Variants in UMAD1 observed in about 807,000 individuals in gnomAD.
The protein encoded by UMAD1 is UBAP1-MVB12-associated (UMA) domain containing 1.
UMAD1 carries 8 observed loss-of-function variants against 6.1 expected under a neutral mutation model. That is an observed-to-expected ratio of 1.30 (90% CI 0.76 to 2.35). The LOEUF is 2.35. Among genes scored for constraint, UMAD1 ranks in the 30% most tolerant of loss-of-function variants. UMAD1 has a pLI of 0.00. For missense variants in UMAD1, 130 were observed against 78.4 expected (o/e 1.66, Z -2.49); for synonymous variants, 56 against 31.4 (o/e 1.78, Z -2.61).
intron 2 of UMAD1, among the ~76,000 whole-genome samples, chr7:7,759,547 C>T (rs747639041): frequency 4.6e-5 from 7 of 151,922 alleles, no homozygotes; most frequent in Admixed American, 3.3e-4. Flanking sequence ...TTTTTTGCTT[C>T]GTACATAAAT....
At chr7:7,698,974 CCCCCCA>C (rs1563133754) in intron 2 of UMAD1, among the ~76,000 whole-genome samples, 2 of 151,268 alleles carry the variant, frequency 1.3e-5, no homozygotes, top group African/African-American at 4.9e-5. Flanking sequence ...CCCACTTCAG[CCCCCCA>C]AGTATCTGGG....
At chr7:7,698,083 A>G (rs1163573754) in intron 2 of UMAD1, among the ~76,000 whole-genome samples, 1 of 152,208 alleles carries the variant, frequency 6.6e-6, no homozygotes, top group Non-Finnish European at 1.5e-5. Context: ...ACAATATGTT[A>G]TCTGAATCAA....
chr7:7,725,887 T>C (rs928371460), intron 2 of UMAD1, among the ~76,000 whole-genome samples: 1 of 152,220 alleles, frequency 6.6e-6, no homozygotes, highest in Admixed American at 6.5e-5. Context: ...CTGCATGATA[T>C]GCAGGCACCA....
intron 2 of UMAD1, among the ~76,000 whole-genome samples, chr7:7,775,448 C>T (rs1782185816): frequency 6.6e-6 from 1 of 152,198 alleles, no homozygotes; most frequent in South Asian, 2.1e-4. Flanking sequence ...TCCCTGCTGT[C>T]TCTCATTCTC....
At chr7:7,796,198 C>G (rs965207380) in intron 2 of UMAD1, among the ~76,000 whole-genome samples, 5 of 149,264 alleles carry the variant, frequency 3.3e-5, no homozygotes, top group South Asian at 2.1e-4. Context: ...TATAGATATA[C>G]TTAAGCATTC....
At chr7:7,812,237 A>T (rs1351659556) in intron 3 of UMAD1, among the ~76,000 whole-genome samples, 1 of 152,120 alleles carries the variant, frequency 6.6e-6, no homozygotes, top group Non-Finnish European at 1.5e-5. Context: ...TTTCCATCCA[A>T]ACTGCACATA....
chr7:7,775,968 A>G (rs868272732), intron 2 of UMAD1, among the ~76,000 whole-genome samples: 9 of 152,320 alleles, frequency 5.9e-5, no homozygotes, highest in African/African-American at 2.2e-4. Context: ...GGGGTGATGG[A>G]TCGTTATGTA....
At chr7:7,748,022 C>T (rs1190974989) in intron 2 of UMAD1, among the ~76,000 whole-genome samples, 2 of 151,642 alleles carry the variant, frequency 1.3e-5, no homozygotes, top group African/African-American at 2.4e-5. Flanking sequence ...CTGCAACCTC[C>T]GCCTCCTGGG....
At chr7:7,854,355 CAAAA>C (rs34829393) in intron 3 of UMAD1, among the ~76,000 whole-genome samples, 1 of 49,162 alleles carries the variant, frequency 2.0e-5, no homozygotes, top group Non-Finnish European at 3.6e-5. Flanking sequence ...AGCTCCATCT[CAAAA>C]AAAAAAAAAA....
intron 1 of UMAD1, among the ~76,000 whole-genome samples, chr7:7,659,946 G>A (rs1051828560): frequency 3.9e-5 from 6 of 152,274 alleles, no homozygotes; most frequent in African/African-American, 7.2e-5. Flanking sequence ...AAGTCTCTTT[G>A]TAAGTCTCTA....
At chr7:7,685,917 G>A (rs1780032208) in intron 2 of UMAD1, 1 of 152,176 alleles carries the variant, frequency 6.6e-6, no homozygotes, top group South Asian at 2.1e-4. Context: ...ATCAGTAAGT[G>A]AACATTCTTG....
chr7:7,697,598 G>T (rs916214197), intron 2 of UMAD1, among the ~76,000 whole-genome samples: 1 of 152,104 alleles, frequency 6.6e-6, no homozygotes, highest in African/African-American at 2.4e-5. Context: ...AAGCCCTTGG[G>T]GTGGGCACCT....
chr7:7,792,898 C>G (rs1782596404), intron 2 of UMAD1, among the ~76,000 whole-genome samples: 1 of 152,174 alleles, frequency 6.6e-6, no homozygotes, highest in South Asian at 2.1e-4. Context: ...GACAGCCCAG[C>G]TCTCTTCAAC....
chr7:7,713,378 A>C (rs906802579), intron 2 of UMAD1, among the ~76,000 whole-genome samples: 2 of 151,454 alleles, frequency 1.3e-5, no homozygotes, highest in African/African-American at 4.9e-5. Context: ...CAAACAAACA[A>C]ATCTAAGTTT....
intron 2 of UMAD1, among the ~76,000 whole-genome samples, chr7:7,784,849 C>A (rs750763567): frequency 2.0e-5 from 3 of 147,934 alleles, no homozygotes; most frequent in African/African-American, 7.6e-5. Context: ...GCAGGCTCCG[C>A]CCCCTGGGGT....
intron 3 of UMAD1, among the ~76,000 whole-genome samples, chr7:7,826,047 G>T (rs1207175497): frequency 6.6e-6 from 1 of 152,052 alleles, no homozygotes; most frequent in Non-Finnish European, 1.5e-5. Flanking sequence ...ATACTTTATT[G>T]TTGTATTGGT....
In UMAD1 at chr7:7,813,330, A is replaced by G. The variant is rs1298158974; in HGVS notation, c.156+11587A>G. On this transcript the variant is annotated intron_variant, in intron 3 of 3. Transcript: ENST00000682710. ...GGCGATTCTCCTGCCTCAACCTCCC[A>G]AGTAGCTGGGACTACAGGCATGCGA... 2.6e-5 allele frequency among the ~76,000 whole-genome samples: 4 copies of G among 152,020 alleles called. No homozygotes were observed. The South Asian group carries it at 8.3e-4, about 32-fold the overall frequency.
At chr7:7,802,113 C>T (rs753571115) in intron 3 of UMAD1, among the ~76,000 whole-genome samples, 50 of 152,278 alleles carry the variant, frequency 3.3e-4, no homozygotes, top group Middle Eastern at 6.3e-3. Flanking sequence ...GGCACAGTGG[C>T]TCACGCCTGT....
intron 3 of UMAD1, among the ~76,000 whole-genome samples, chr7:7,875,783 G>A (rs1490079714): frequency 6.6e-6 from 1 of 152,194 alleles, no homozygotes; most frequent in East Asian, 1.9e-4. Context: ...CAGTGAACAT[G>A]AGCTACAAAA....
Sources: gnomAD v4.1 joint callset for allele counts (sites outside exome capture counted in the v4.1 genomes callset) on GRCh38, gnomAD v4.1.1 for gene constraint, MANE v1.5 for transcripts, NCBI Gene and HGNC (gene_info 2026-07-23, HGNC 2026-07-21) for gene names.